Variants in SPAG9 observed in about 807,000 individuals in gnomAD.
The protein encoded by SPAG9 is C-Jun-amino-terminal kinase-interacting protein 4.
Under a neutral mutation model 166.5 loss-of-function variants are expected in SPAG9, and 35 were observed. The observed-to-expected ratio is 0.21, with a 90% CI of 0.16 to 0.28. The LOEUF is 0.28. SPAG9 is among the 10% of genes least tolerant of loss of function. SPAG9 has a pLI of 1.00. For synonymous variants in SPAG9, 534 were observed against 565.5 expected (o/e 0.94, Z 0.79); for missense variants, 1,235 against 1,603.3 (o/e 0.77, Z 3.92).
chr17:51,097,267 T>C (rs1254913209), intron 1 of SPAG9, among the ~76,000 whole-genome samples: 3 of 152,214 alleles, frequency 2.0e-5, no homozygotes. Flanking sequence ...ACAGTAAACA[T>C]AACTGTTTCC....
intron 1 of SPAG9, among the ~76,000 whole-genome samples, chr17:51,101,021 C>T (rs1475407409): frequency 6.6e-6 from 1 of 151,984 alleles, no homozygotes; most frequent in Non-Finnish European, 1.5e-5. Context: ...ACTATTTTCA[C>T]AGAGAAACCA....
Position 51,019,419 on chromosome 17 carries a change from T to C in SPAG9, c.1091+740A>G, listed in dbSNP as rs186710953. Among the ~76,000 whole-genome samples the C allele has an allele frequency of 4.6e-5, 7 of 150,786 alleles. No homozygotes were observed. The East Asian group carries it at 9.8e-4, about 21-fold the overall frequency. On this transcript the variant is annotated intron_variant, in intron 8 of 29. Coordinates refer to ENST00000262013, the MANE Select transcript of SPAG9 (RefSeq NM_001130528.3). ...AATACAAAAAAAAATTAGCTAGGCA[T>C]GGTGGTGGGTGCCTGTAATCCCAGC...
chr17:50,976,858 G>T, intron 27 of SPAG9: 1 of 330,326 alleles, frequency 3.0e-6, no homozygotes, highest in Non-Finnish European at 5.6e-6. Context: ...TATTTCAAAA[G>T]ATGAAATAGG....
intron 1 of SPAG9, among the ~76,000 whole-genome samples, chr17:51,113,539 G>T (rs1286452343): frequency 1.3e-5 from 2 of 151,102 alleles, no homozygotes; most frequent in Non-Finnish European, 2.9e-5. Context: ...AGTTAGCGAG[G>T]TGTGGTTGTG....
At chr17:51,000,473 C>T (rs1042831226) in intron 13 of SPAG9, among the ~76,000 whole-genome samples, 3 of 152,162 alleles carry the variant, frequency 2.0e-5, no homozygotes, top group Non-Finnish European at 2.9e-5. Flanking sequence ...GTGGCTCACA[C>T]CTGTAATCCC....
intron 28 of SPAG9, among the ~76,000 whole-genome samples, chr17:50,973,401 C>G (rs934729857): frequency 6.6e-6 from 1 of 151,814 alleles, no homozygotes; most frequent in Non-Finnish European, 1.5e-5. Flanking sequence ...AACACTGTTA[C>G]CAGCAATCCC....
intron 27 of SPAG9, chr17:50,975,988 C>T (rs1373935849): frequency 1.9e-6 from 2 of 1,027,516 alleles, no homozygotes; most frequent in Non-Finnish European, 2.9e-6. Context: ...TCAGCGTCTT[C>T]TATCTGGTAA....
At chr17:51,043,283 T>A (rs186095683) in intron 4 of SPAG9, among the ~76,000 whole-genome samples, 1 of 152,328 alleles carries the variant, frequency 6.6e-6, no homozygotes, top group African/African-American at 2.4e-5. Flanking sequence ...TCAGCTACCA[T>A]GTTTACACCA....
At chr17:51,048,526 G>T (rs559086297) in intron 3 of SPAG9, among the ~76,000 whole-genome samples, 1 of 151,902 alleles carries the variant, frequency 6.6e-6, no homozygotes, top group Admixed American at 6.6e-5. Flanking sequence ...AATAGCTTTG[G>T]AAGTCACTAA....
intron 17 of SPAG9, 56 bp downstream of exon 17, chr17:50,995,387 GA>G: frequency 6.9e-7 from 1 of 1,458,930 alleles, no homozygotes. Flanking sequence ...TTTGGTTTTA[GA>G]AAAAAAACTA....
At chr17:51,111,030 C>G (rs1434402068) in intron 1 of SPAG9, among the ~76,000 whole-genome samples, 1 of 151,644 alleles carries the variant, frequency 6.6e-6, no homozygotes, top group African/African-American at 2.4e-5. Flanking sequence ...GCAGGAGAAT[C>G]GCTTGAATCC....
chr17:51,047,308 GA>G, intron 4 of SPAG9, 66 bp downstream of exon 4: 1 of 926,142 alleles, frequency 1.1e-6, no homozygotes, highest in Non-Finnish European at 1.6e-6. Flanking sequence ...AAAGAACAGA[GA>G]AAAACAGAAA....
chr17:51,098,622 A>T (rs575156839), intron 1 of SPAG9, among the ~76,000 whole-genome samples: 220 of 152,160 alleles, frequency 1.4e-3, no homozygotes, highest in African/African-American at 5.2e-3. Flanking sequence ...CCTCCCCAGT[A>T]GCTGAGATTA....
intron 2 of SPAG9, among the ~76,000 whole-genome samples, chr17:51,060,167 T>C (rs1318704674): frequency 6.6e-6 from 1 of 152,024 alleles, no homozygotes; most frequent in Admixed American, 6.6e-5. Flanking sequence ...AGGTTGAAGC[T>C]CTACCTCCCA....
chr17:51,005,284 CA>C, intron 11 of SPAG9, 21 bp from the exon 12 acceptor site: 1 of 1,610,916 alleles, frequency 6.2e-7, no homozygotes, highest in Non-Finnish European at 8.5e-7. Flanking sequence ...AAAAACAAAA[CA>C]AAACATGTTA....
chr17:50,971,484 T>C (rs1973805134), intron 28 of SPAG9, among the ~76,000 whole-genome samples: 1 of 139,114 alleles, frequency 7.2e-6, no homozygotes, highest in Non-Finnish European at 1.5e-5. Flanking sequence ...TTTTTTTTTT[T>C]TGAGATGGAG....
intron 15 of SPAG9, 130 bp downstream of exon 15, chr17:50,998,314 G>C: frequency 1.3e-6 from 1 of 789,042 alleles, no homozygotes; most frequent in East Asian, 2.8e-5. Context: ...ACAGGTGTGA[G>C]CCACCGTGCC....
intron 1 of SPAG9, among the ~76,000 whole-genome samples, chr17:51,112,671 CAAAAAAAAAA>C (rs1206604151): frequency 6.0e-4 from 25 of 41,404 alleles, no homozygotes; most frequent in South Asian, 1.4e-3. Flanking sequence ...TCTGTCTCAA[CAAAAAAAAAA>C]AAAAAAAAAA....
intron 9 of SPAG9, among the ~76,000 whole-genome samples, chr17:51,013,883 TACACACACACATACACATACACAC>T (rs2045588660): frequency 1.7e-5 from 2 of 114,446 alleles, no homozygotes; most frequent in African/African-American, 3.3e-5. Context: ...CATCAATCCA[TACACACACACATACACATACACAC>T]ACACACACAC....
Sources: allele counts gnomAD v4.1 joint callset (sites outside exome capture counted in the v4.1 genomes callset), GRCh38; gene constraint gnomAD v4.1.1; transcripts MANE v1.5; gene names NCBI Gene and HGNC (gene_info 2026-07-23, HGNC 2026-07-21).